CDK5RAP2: variants seen among roughly 807,000 people sequenced by gnomAD.
CDK5RAP2 encodes the protein CDK5 regulatory subunit-associated protein 2.
A neutral mutation model predicts 232.9 loss-of-function variants in CDK5RAP2; 147 were observed. That is an observed-to-expected ratio of 0.63 (90% CI 0.55 to 0.72). CDK5RAP2 has a LOEUF of 0.72. Among genes scored for constraint, CDK5RAP2 ranks in the 30% least tolerant of loss-of-function variants. The pLI is 0.00. For missense variants in CDK5RAP2, 2,195 were observed against 2,231.5 expected, an observed-to-expected ratio of 0.98 and a Z score of 0.33; for synonymous variants, 833 against 833.7, an observed-to-expected ratio of 1.00 and a Z score of 0.01.
At chr9:120,480,158 T>C (rs1417290830) in intron 14 of CDK5RAP2, among the ~76,000 whole-genome samples, 1 of 152,242 alleles carries the variant, frequency 6.6e-6, no homozygotes, top group African/African-American at 2.4e-5. Context: ...GAGGCGGATG[T>C]TCAGTCCGTC....
intron 3 of CDK5RAP2, among the ~76,000 whole-genome samples, chr9:120,562,315 T>C (rs1158102109): frequency 6.6e-6 from 1 of 152,164 alleles, no homozygotes; most frequent in Non-Finnish European, 1.5e-5. Context: ...GCCAGGTTTT[T>C]GGAGGGCATG....
At position 120,579,907 on chromosome 9, in the gene CDK5RAP2, G is replaced by GC. The variant is rs781648437; in HGVS notation, c.59+12dup. The GC allele has an allele frequency of 6.2e-7, 1 of 1,608,766 alleles. No individual in the cohort carries two copies. The highest frequency in any genetic ancestry group is 8.5e-7 in the Non-Finnish European group (1 of 1,175,204). ...CGGCCCGGTTACCACGACCACCAAT[G>GC]CCCCGGCCGCACCTGCAGCCGCTGA... On this transcript the variant is annotated intron_variant, in intron 1 of 37. Coordinates refer to ENST00000349780, the MANE Select transcript of CDK5RAP2 (RefSeq NM_018249.6).
At chr9:120,536,260 C>A in intron 7 of CDK5RAP2, 112 bp downstream of exon 7, 1 of 1,195,540 alleles carries the variant, frequency 8.4e-7, no homozygotes, top group South Asian at 1.3e-5. Flanking sequence ...CACTCAAGTC[C>A]TATGGGAAAC....
intron 28 of CDK5RAP2, among the ~76,000 whole-genome samples, chr9:120,414,597 G>T (rs1419201168): frequency 1.3e-5 from 2 of 152,178 alleles, no homozygotes; most frequent in South Asian, 4.1e-4. Flanking sequence ...AAAGAATGGA[G>T]GTTTAAATTT....
chr9:120,410,902 T>C (rs972807635), intron 29 of CDK5RAP2, among the ~76,000 whole-genome samples: 1 of 152,204 alleles, frequency 6.6e-6, no homozygotes, highest in Non-Finnish European at 1.5e-5. Flanking sequence ...AAGCTCCAAA[T>C]AGAAGGAATT....
intron 12 of CDK5RAP2, among the ~76,000 whole-genome samples, chr9:120,496,482 C>G (rs1263694321): frequency 8.1e-6 from 1 of 123,058 alleles, no homozygotes; most frequent in East Asian, 2.7e-4. Flanking sequence ...CCCCTCTGCC[C>G]GGCCAGCCGC....
At chr9:120,464,356 A>C (rs1055895746) in intron 18 of CDK5RAP2, among the ~76,000 whole-genome samples, 1 of 152,048 alleles carries the variant, frequency 6.6e-6, no homozygotes, top group African/African-American at 2.4e-5. Flanking sequence ...CTCTGCCCCA[A>C]TTGCCCCTCT....
chr9:120,529,908 C>A lies in CDK5RAP2; in HGVS notation c.825+70G>T. ...GTGTGTGAACCATGAGGACCGAATG[C>A]GCATTCCATCTCCCACAGAGGAGTC... On this transcript the variant is annotated intron_variant, in intron 8 of 37. Coordinates refer to ENST00000349780, the MANE Select transcript of CDK5RAP2 (RefSeq NM_018249.6). 8 of 1,432,398 alleles carry A rather than the reference C, an allele frequency of 5.6e-6. No homozygotes were observed. In the South Asian group the frequency reaches 8.0e-5, roughly 14 times the overall value. 88.7% of individuals were successfully genotyped at this position (1,432,398 alleles called of 1,614,324 possible). A position where few individuals can be genotyped will look rare whatever the true frequency, so the allele number is the denominator to read the frequency against.
chr9:120,415,757 T>G (rs1436733102), intron 27 of CDK5RAP2, among the ~76,000 whole-genome samples: 2 of 151,856 alleles, frequency 1.3e-5, no homozygotes, highest in African/African-American at 4.8e-5. Context: ...AGAAAAGTTA[T>G]TTTCCAATGT....
In CDK5RAP2 at chr9:120,453,698, A is replaced by T; in HGVS notation, c.2551T>A (p.Leu851Met). Residue 851 changes from leucine to methionine, a missense_variant, in exon 21 of 38, where the codon TTG becomes ATG. Physicochemically the swap from Leu to Met is conservative, Grantham distance 15. Transcript: ENST00000349780. The part of the protein sequence containing the change: ...SFSKPHDELK[L>M]SCEAQLVKAG... ...TTTACTAGCTGGGCCTCACAAGACA[A>T]CTTCAGTTCATCATGTGGCTTGGAA... 4 of 1,614,236 alleles carry T rather than the reference A, an allele frequency of 2.5e-6. No homozygotes were observed. The highest frequency in any genetic ancestry group is 3.4e-6 in the Non-Finnish European group (4 of 1,180,030).
At chr9:120,475,623 G>A in intron 15 of CDK5RAP2, among the ~76,000 whole-genome samples, 1 of 151,868 alleles carries the variant, frequency 6.6e-6, no homozygotes, top group East Asian at 1.9e-4. Context: ...CACTTGCCAA[G>A]TGAAAATGAC....
At chr9:120,576,500 G>A (rs564597140) in intron 1 of CDK5RAP2, among the ~76,000 whole-genome samples, 3 of 152,170 alleles carry the variant, frequency 2.0e-5, no homozygotes, top group Non-Finnish European at 2.9e-5. Context: ...TCAAGAGTTC[G>A]ACACCAGCCT....
At chr9:120,440,307 T>C in intron 23 of CDK5RAP2, 1 of 338,714 alleles carries the variant, frequency 3.0e-6, no homozygotes, top group South Asian at 3.2e-5. Flanking sequence ...CCTTCCATGA[T>C]CTAGTTCCAG....
At chr9:120,577,727 C>T (rs1197496086) in intron 1 of CDK5RAP2, among the ~76,000 whole-genome samples, 1 of 152,114 alleles carries the variant, frequency 6.6e-6, no homozygotes, top group Non-Finnish European at 1.5e-5. Flanking sequence ...ATACCAACCC[C>T]TTTTACAGAT....
In CDK5RAP2 at chr9:120,540,784, G is replaced by T. The variant is rs550107560; in HGVS notation, c.384-1620C>A. Among the ~76,000 whole-genome samples, 16 of 152,224 alleles carry T rather than the reference G, an allele frequency of 1.1e-4. No homozygotes were observed. The South Asian group carries it at 2.7e-3, about 26-fold the overall frequency. ...CAGAATTAATGTGCTCACACACGTCGGCCTGTTCCTCTCTGATCAGAGTGC... is the reference window on the plus strand; with the variant it reads ...CAGAATTAATGTGCTCACACACGTCTGCCTGTTCCTCTCTGATCAGAGTGC... On this transcript the variant is annotated intron_variant, in intron 5 of 37. Transcript: ENST00000349780.
In CDK5RAP2 at chr9:120,453,750, A is replaced by C; in HGVS notation, c.2499T>G (p.Leu833=). Residue 833 remains leucine (L), a synonymous_variant, in exon 21 of 38, where the codon CTT becomes CTG. Coordinates refer to ENST00000349780, the MANE Select transcript of CDK5RAP2 (RefSeq NM_018249.6). ...TEKTPKQKGE[L]VHFVQTNSFS... ...ATGAGTTGGTTTGGACAAAATGTAC[A>C]AGTTCACCTTTTTGCTTAGGTGTCT... 6.2e-7 allele frequency: 1 copy of C among 1,614,232 alleles called. No individual in the cohort carries two copies. Among genetic ancestry groups the C allele is most frequent in the Non-Finnish European group, 8.5e-7 (1 of 1,180,034 alleles).
intron 10 of CDK5RAP2, among the ~76,000 whole-genome samples, chr9:120,526,431 C>G (rs2040902783): frequency 6.6e-6 from 1 of 152,176 alleles, no homozygotes; most frequent in Non-Finnish European, 1.5e-5. Context: ...CTTCACTATG[C>G]TTCTCTGAAG....
chr9:120,418,296 C>T (rs1261210907), intron 27 of CDK5RAP2, among the ~76,000 whole-genome samples: 1 of 152,108 alleles, frequency 6.6e-6, no homozygotes, highest in Non-Finnish European at 1.5e-5. Flanking sequence ...AAAGGTTCTA[C>T]ATTAGAAATA....
chr9:120,398,895 G>A (rs571066782), intron 35 of CDK5RAP2, among the ~76,000 whole-genome samples: 4 of 152,286 alleles, frequency 2.6e-5, no homozygotes, highest in African/African-American at 7.2e-5. Context: ...AAACCCCTGG[G>A]TTGTTGGTGA....
Sources: gnomAD v4.1 joint callset for allele counts (sites outside exome capture counted in the v4.1 genomes callset) on GRCh38, gnomAD v4.1.1 for gene constraint, MANE v1.5 for transcripts, NCBI Gene and HGNC (gene_info 2026-07-23, HGNC 2026-07-21) for gene names.